CDYL2: variants seen among roughly 807,000 people sequenced by gnomAD.
The protein encoded by CDYL2 is chromodomain Y like 2, also known as chromodomain Y-like protein 2.
CDYL2 carries 23 observed loss-of-function variants against 49.4 expected under a neutral mutation model. The observed-to-expected ratio is 0.47, with a 90% confidence interval of 0.34 to 0.66. The LOEUF (loss-of-function observed/expected upper bound fraction) is 0.66, where lower values mean the gene tolerates loss of function less well. Among genes scored for constraint, CDYL2 ranks in the 30% least tolerant of loss-of-function variants. The probability of loss-of-function intolerance (pLI) is 0.01; values close to 1 mark genes in which losing one functional copy is unlikely to be tolerated. For missense variants in CDYL2, 678 were observed against 656.4 expected (o/e 1.03, Z -0.36); for synonymous variants, 360 against 268.8 (o/e 1.34, Z -3.32).
chr16:80,677,867 A>C (rs1909818619), intron 2 of CDYL2, among the ~76,000 whole-genome samples: 1 of 151,918 alleles, frequency 6.6e-6, no homozygotes, highest in Non-Finnish European at 1.5e-5. Context: ...ACTATACTAC[A>C]AGGCTACAGT....
At position 80,672,535 on chromosome 16, in the gene CDYL2, A is replaced by AAAGGAAAGGAAAGG. The variant is rs1461387134; in HGVS notation, c.616+12002_616+12003insCCTTTCCTTTCCTT. ...GAAAGAAGCAAAGCAAAGGAAAAGG[A>AAAGGAAAGGAAAGG]AAAGGAAAGGAAAGGAAAGGAAAGG... On this transcript the variant is annotated intron_variant, in intron 2 of 6. Coordinates refer to ENST00000570137, the MANE Select transcript of CDYL2 (RefSeq NM_152342.4). Among the ~76,000 whole-genome samples, 409 of 46,330 alleles carry AAAGGAAAGGAAAGG rather than the reference A, an allele frequency of 8.8e-3. 10 individuals carry two copies. Among genetic ancestry groups the AAAGGAAAGGAAAGG allele is most frequent in the South Asian group, 0.012 (14 of 1,182 alleles). 30.4% of individuals were successfully genotyped at this position (46,330 alleles called of 152,430 possible).
intron 2 of CDYL2, among the ~76,000 whole-genome samples, chr16:80,664,420 G>A (rs1295710421): frequency 6.6e-6 from 1 of 152,158 alleles, no homozygotes; most frequent in African/African-American, 2.4e-5. Context: ...GGGCTCCGGT[G>A]TCCTGGGCCT....
At chr16:80,674,561 A>G (rs1909664591) in intron 2 of CDYL2, among the ~76,000 whole-genome samples, 1 of 152,200 alleles carries the variant, frequency 6.6e-6, no homozygotes, top group Admixed American at 6.5e-5. Context: ...ATCTAATTCC[A>G]GAACATTTTC....
chr16:80,670,573 G>A (rs935417616), intron 2 of CDYL2, among the ~76,000 whole-genome samples: 1 of 152,240 alleles, frequency 6.6e-6, no homozygotes, highest in Admixed American at 6.5e-5. Flanking sequence ...CAGCTACTGT[G>A]GCTGACATGG....
chr16:80,641,412 G>C (rs1414440659), intron 2 of CDYL2, among the ~76,000 whole-genome samples: 1 of 152,018 alleles, frequency 6.6e-6, no homozygotes, highest in African/African-American at 2.4e-5. Flanking sequence ...CAAACATGAA[G>C]GGGGAATAAA....
chr16:80,745,932 C>T (rs1053315415), intron 1 of CDYL2, among the ~76,000 whole-genome samples: 12 of 152,282 alleles, frequency 7.9e-5, no homozygotes, highest in Admixed American at 6.5e-5. Flanking sequence ...TGGCCGCGAC[C>T]CAACTACACA....
intron 2 of CDYL2, among the ~76,000 whole-genome samples, chr16:80,654,537 G>A (rs938709279): frequency 2.0e-5 from 3 of 152,160 alleles, no homozygotes; most frequent in African/African-American, 7.2e-5. Context: ...CATAACACCC[G>A]TGGCACCTAG....
chr16:80,708,701 T>A (rs369036838), intron 1 of CDYL2, among the ~76,000 whole-genome samples: 2 of 152,230 alleles, frequency 1.3e-5, no homozygotes, highest in South Asian at 2.1e-4. Context: ...TATCAGCTGG[T>A]AGTCAAATTT....
At chr16:80,717,810 G>C (rs1398720187) in intron 1 of CDYL2, among the ~76,000 whole-genome samples, 2 of 152,220 alleles carry the variant, frequency 1.3e-5, no homozygotes, top group Non-Finnish European at 2.9e-5. Flanking sequence ...AAGCCAGGAG[G>C]ACTCCCCATC....
In CDYL2 at chr16:80,716,996, G is replaced by C. The variant is rs561433443; in HGVS notation, c.25-31867C>G. On this transcript the variant is annotated intron_variant, in intron 1 of 6. Transcript: ENST00000570137. ...TGGATAGATGATTAGATGAATGGATGATTCAATTGATGGATGGATGGATGG... is the reference window on the plus strand; with the variant it reads ...TGGATAGATGATTAGATGAATGGATCATTCAATTGATGGATGGATGGATGG... Among the ~76,000 whole-genome samples the C allele has an allele frequency of 5.8e-5, 8 of 138,192 alleles. No homozygotes were observed. In the East Asian group the frequency reaches 1.3e-3, roughly 23 times the overall value. 90.7% of individuals were successfully genotyped at this position (138,192 alleles called of 152,430 possible).
intron 2 of CDYL2, among the ~76,000 whole-genome samples, chr16:80,656,751 C>T (rs138042732): frequency 7.2e-5 from 11 of 152,102 alleles, no homozygotes; most frequent in Non-Finnish European, 1.2e-4. Flanking sequence ...GGCTCACAAA[C>T]GAGATAATCA....
intron 6 of CDYL2, among the ~76,000 whole-genome samples, chr16:80,606,143 TC>T (rs1456900321): frequency 2.0e-5 from 3 of 152,180 alleles, no homozygotes; most frequent in Admixed American, 1.3e-4. Flanking sequence ...GCACCCTCAC[TC>T]CCCTGCCTGG....
chr16:80,731,589 C>G (rs1258570778), intron 1 of CDYL2, among the ~76,000 whole-genome samples: 2 of 152,138 alleles, frequency 1.3e-5, no homozygotes, highest in African/African-American at 4.8e-5. Flanking sequence ...ACTGTGAAAT[C>G]TTCTGGAGAG....
chr16:80,682,723 G>T (rs917991551), intron 2 of CDYL2, among the ~76,000 whole-genome samples: 4 of 152,082 alleles, frequency 2.6e-5, no homozygotes, highest in African/African-American at 9.7e-5. Flanking sequence ...ATCTCCCCTC[G>T]CCACCCTTCC....
At chr16:80,654,004 T>C (rs1218709543) in intron 2 of CDYL2, among the ~76,000 whole-genome samples, 1 of 152,132 alleles carries the variant, frequency 6.6e-6, no homozygotes, top group African/African-American at 2.4e-5. Context: ...CATGCTTGCA[T>C]GCCAACGGAA....
At chr16:80,719,298 G>A (rs1480066185) in intron 1 of CDYL2, among the ~76,000 whole-genome samples, 3 of 152,078 alleles carry the variant, frequency 2.0e-5, no homozygotes, top group African/African-American at 7.2e-5. Flanking sequence ...GAATCTGTGT[G>A]GGCCTTGAGC....
intron 1 of CDYL2, among the ~76,000 whole-genome samples, chr16:80,786,499 C>A (rs1383360781): frequency 6.6e-6 from 1 of 152,188 alleles, no homozygotes; most frequent in African/African-American, 2.4e-5. Context: ...AATAGGAACG[C>A]TTTTACACTG....
intron 2 of CDYL2, among the ~76,000 whole-genome samples, chr16:80,636,860 A>C (rs1361816367): frequency 6.6e-6 from 1 of 152,240 alleles, no homozygotes; most frequent in African/African-American, 2.4e-5. Flanking sequence ...ATACCATGGA[A>C]TACTATGCAG....
chr16:80,767,513 G>C (rs1290096052), intron 1 of CDYL2, among the ~76,000 whole-genome samples: 1 of 152,138 alleles, frequency 6.6e-6, no homozygotes, highest in Non-Finnish European at 1.5e-5. Context: ...AAAATGAAAT[G>C]ATCTAAATAA....
Sources: gnomAD v4.1 joint callset for allele counts (sites outside exome capture counted in the v4.1 genomes callset) on GRCh38, gnomAD v4.1.1 for gene constraint, MANE v1.5 for transcripts, NCBI Gene and HGNC (gene_info 2026-07-23, HGNC 2026-07-21) for gene names.